Variants in ERC2 observed in about 807,000 individuals in gnomAD.
The protein encoded by ERC2 is ERC protein 2.
A neutral mutation model predicts 114.8 loss-of-function variants in ERC2; 42 were observed. That is an observed-to-expected ratio of 0.37 (90% CI 0.29 to 0.47). ERC2 has a LOEUF of 0.47. Among genes scored for constraint, ERC2 ranks in the 20% least tolerant of loss-of-function variants. ERC2 has a pLI of 0.99. For missense variants in ERC2, 939 were observed against 1,150.7 expected (o/e 0.82, Z 2.66); for synonymous variants, 454 against 425.5 (o/e 1.07, Z -0.82).
intron 6 of ERC2, among the ~76,000 whole-genome samples, chr3:56,107,886 C>G (rs1030339524): frequency 2.0e-5 from 3 of 152,116 alleles, no homozygotes; most frequent in African/African-American, 7.2e-5. Context: ...AGATATACTA[C>G]TCAACAACAG....
At chr3:55,512,019 C>CA (rs2052107181) in intron 17 of ERC2, among the ~76,000 whole-genome samples, 1 of 152,146 alleles carries the variant, frequency 6.6e-6, no homozygotes, top group South Asian at 2.1e-4. Context: ...TTCTGGGTTT[C>CA]CAGCCACATG....
At chr3:55,761,625 C>G (rs1395468565) in intron 14 of ERC2, among the ~76,000 whole-genome samples, 1 of 152,088 alleles carries the variant, frequency 6.6e-6, no homozygotes, top group East Asian at 1.9e-4. Context: ...GGCAATGTGT[C>G]CCCACCCAAA....
chr3:55,663,380 G>A (rs2061221277), intron 17 of ERC2, among the ~76,000 whole-genome samples: 1 of 152,244 alleles, frequency 6.6e-6, no homozygotes. Flanking sequence ...TCAGTGAAGT[G>A]GGGCTAGAAT....
chr3:55,817,316 C>T (rs980164370), intron 14 of ERC2, among the ~76,000 whole-genome samples: 3 of 152,324 alleles, frequency 2.0e-5, no homozygotes, highest in Admixed American at 6.5e-5. Flanking sequence ...TGTTTCACAT[C>T]TAACGTGCAC....
At chr3:55,594,113 T>C (rs898604626) in intron 17 of ERC2, among the ~76,000 whole-genome samples, 1 of 152,218 alleles carries the variant, frequency 6.6e-6, no homozygotes, top group African/African-American at 2.4e-5. Flanking sequence ...ACCCTTGCTG[T>C]TGGCACCTTT....
chr3:56,034,765 A>G (rs891753916), intron 7 of ERC2, among the ~76,000 whole-genome samples: 2 of 152,152 alleles, frequency 1.3e-5, no homozygotes, highest in Admixed American at 6.6e-5. Context: ...TTAAAAATAT[A>G]TTGAAACAAA....
chr3:55,872,068 A>T (rs2062610091), intron 14 of ERC2, among the ~76,000 whole-genome samples: 1 of 152,196 alleles, frequency 6.6e-6, no homozygotes, highest in Non-Finnish European at 1.5e-5. Flanking sequence ...ACTGGCAATG[A>T]GCTGATAATC....
At chr3:55,543,787 C>T (rs1057462896) in intron 17 of ERC2, among the ~76,000 whole-genome samples, 2 of 152,120 alleles carry the variant, frequency 1.3e-5, no homozygotes, top group Admixed American at 6.5e-5. Context: ...CTTCTCTCTA[C>T]GTCCCTCTTC....
intron 17 of ERC2, among the ~76,000 whole-genome samples, chr3:55,674,050 T>C (rs1351729604): frequency 6.6e-6 from 1 of 152,074 alleles, no homozygotes; most frequent in East Asian, 1.9e-4. Context: ...AGTGTACTCT[T>C]CCCAGCCTCT....
At chr3:55,651,357 T>C (rs1575944431) in intron 17 of ERC2, among the ~76,000 whole-genome samples, 1 of 152,306 alleles carries the variant, frequency 6.6e-6, no homozygotes, top group East Asian at 1.9e-4. Context: ...CTTTGTTTGC[T>C]CTCCAGGAAA....
intron 12 of ERC2, among the ~76,000 whole-genome samples, chr3:55,952,009 T>C (rs977713119): frequency 2.6e-5 from 4 of 151,178 alleles, no homozygotes; most frequent in African/African-American, 2.4e-5. Context: ...TCCTTGCTAA[T>C]AAAAACAGTC....
chr3:55,641,634 T>G (rs1360330502), intron 17 of ERC2, among the ~76,000 whole-genome samples: 1 of 151,168 alleles, frequency 6.6e-6, no homozygotes, highest in East Asian at 1.9e-4. Context: ...GCAAGACTCT[T>G]GACTATTATG....
chr3:56,458,712 A>G (rs910893671), intron 1 of ERC2, among the ~76,000 whole-genome samples: 1 of 152,128 alleles, frequency 6.6e-6, no homozygotes, highest in African/African-American at 2.4e-5. Flanking sequence ...CTTCATGAAC[A>G]ATACGAATAA....
chr3:56,072,206 A>T, intron 7 of ERC2: 1 of 157,344 alleles, frequency 6.4e-6, no homozygotes. Context: ...CTCCCTCACC[A>T]CTCCATGTGT....
intron 3 of ERC2, among the ~76,000 whole-genome samples, chr3:56,236,917 C>A (rs1362324011): frequency 6.6e-6 from 1 of 152,190 alleles, no homozygotes; most frequent in Non-Finnish European, 1.5e-5. Flanking sequence ...GAATGAACAA[C>A]CAACACGAAT....
At chr3:55,544,982 G>A (rs1007616056) in intron 17 of ERC2, among the ~76,000 whole-genome samples, 16 of 152,138 alleles carry the variant, frequency 1.1e-4, no homozygotes, top group Non-Finnish European at 2.2e-4. Context: ...TCATTGTGAC[G>A]TTTCCTTCAT....
chr3:56,033,347 T>C (rs1378342697), intron 7 of ERC2, among the ~76,000 whole-genome samples: 1 of 152,240 alleles, frequency 6.6e-6, no homozygotes, highest in Non-Finnish European at 1.5e-5. Flanking sequence ...TCATTTATGT[T>C]CCACTATTAC....
At chr3:55,979,984 T>C (rs1384956734) in intron 12 of ERC2, among the ~76,000 whole-genome samples, 3 of 145,502 alleles carry the variant, frequency 2.1e-5, no homozygotes, top group Non-Finnish European at 4.5e-5. Context: ...TAAGGAACCA[T>C]AGAGGCTCTT....
At chr3:55,683,649 G>T in intron 17 of ERC2, 145 bp downstream of exon 17, 1 of 658,214 alleles carries the variant, frequency 1.5e-6, no homozygotes, top group Non-Finnish European at 2.6e-6. Flanking sequence ...AAGGGTCAGG[G>T]CACGCGGACA....
Sources: allele counts gnomAD v4.1 joint callset (sites outside exome capture counted in the v4.1 genomes callset), GRCh38; gene constraint gnomAD v4.1.1; transcripts MANE v1.5; gene names NCBI Gene and HGNC (gene_info 2026-07-23, HGNC 2026-07-21).